Variants in KIF16B observed in about 807,000 individuals in gnomAD.
The protein encoded by KIF16B is kinesin family member 16B.
A neutral mutation model predicts 156.3 loss-of-function variants in KIF16B; 98 were observed. That is an observed-to-expected ratio of 0.63 (90% confidence interval 0.53 to 0.74). KIF16B has a LOEUF of 0.74. KIF16B is among the 30% of genes least tolerant of loss of function. The pLI is 0.00. For missense variants in KIF16B, 1,421 were observed against 1,606.5 expected (o/e 0.88, Z 1.97); for synonymous variants, 564 against 583.7 (o/e 0.97, Z 0.49).
intron 25 of KIF16B, among the ~76,000 whole-genome samples, chr20:16,300,428 T>G (rs988581851): frequency 1.3e-5 from 2 of 152,180 alleles, no homozygotes; most frequent in South Asian, 4.1e-4. Context: ...AAAAAATGAT[T>G]AATAGTGTCA....
intron 24 of KIF16B, among the ~76,000 whole-genome samples, chr20:16,333,013 G>A (rs2063974997): frequency 6.6e-6 from 1 of 152,136 alleles, no homozygotes; most frequent in Non-Finnish European, 1.5e-5. Context: ...AAACCACTTT[G>A]TTACCAGGCT....
intron 1 of KIF16B, among the ~76,000 whole-genome samples, chr20:16,538,083 C>T (rs2147213013): frequency 6.6e-6 from 1 of 152,218 alleles, no homozygotes; most frequent in Non-Finnish European, 1.5e-5. Context: ...AAACAACACC[C>T]CCTCATACAC....
chr20:16,323,273 C>A (rs752805387), intron 24 of KIF16B, among the ~76,000 whole-genome samples: 1 of 151,954 alleles, frequency 6.6e-6, no homozygotes, highest in Non-Finnish European at 1.5e-5. Flanking sequence ...TCTGCTATAA[C>A]CTGTCTTTTG....
At chr20:16,390,076 T>A (rs4814483) in intron 17 of KIF16B, among the ~76,000 whole-genome samples, 72,802 of 151,920 alleles carry the variant, frequency 0.48, 18,420 homozygotes, top group East Asian at 0.67. Context: ...ATGCAATTTA[T>A]TCTAGAAGGT....
At chr20:16,463,131 G>T (rs140122787) in intron 12 of KIF16B, among the ~76,000 whole-genome samples, 1 of 152,240 alleles carries the variant, frequency 6.6e-6, no homozygotes, top group East Asian at 1.9e-4. Flanking sequence ...ACCGCATCTC[G>T]CTGTGAACCT....
chr20:16,534,115 G>A (rs1159592636), intron 1 of KIF16B, among the ~76,000 whole-genome samples: 6 of 151,914 alleles, frequency 3.9e-5, no homozygotes, highest in Non-Finnish European at 8.8e-5. Flanking sequence ...AAAATTAGCC[G>A]AGCATGGTGG....
intron 12 of KIF16B, among the ~76,000 whole-genome samples, chr20:16,444,314 G>C (rs1250726038): frequency 2.6e-5 from 4 of 152,070 alleles, no homozygotes; most frequent in Non-Finnish European, 5.9e-5. Flanking sequence ...AAATAAGGCT[G>C]TCTGCCTGTT....
intron 12 of KIF16B, among the ~76,000 whole-genome samples, chr20:16,489,514 T>C (rs992675604): frequency 1.3e-5 from 2 of 152,112 alleles, no homozygotes; most frequent in Admixed American, 6.6e-5. Flanking sequence ...CTGGCCAATG[T>C]GGTAAAACCC....
At chr20:16,363,650 G>A (rs2064596647) in intron 22 of KIF16B, among the ~76,000 whole-genome samples, 1 of 152,120 alleles carries the variant, frequency 6.6e-6, no homozygotes, top group African/African-American at 2.4e-5. Flanking sequence ...TTGCAGGACT[G>A]CCCTTCTGTG....
chr20:16,504,559 G>A lies in KIF16B; in HGVS notation c.1001-12C>T. The A allele has an allele frequency of 6.2e-7, 1 of 1,607,850 alleles. No individual in the cohort carries two copies. The highest frequency in any genetic ancestry group is 8.5e-7 in the Non-Finnish European group (1 of 1,175,450). On this transcript the variant is annotated splice_polypyrimidine_tract_variant and intron_variant, in intron 9 of 25. Transcript: ENST00000354981. ...AGCAGGTGAAATGGCTGTGAAGAAT[G>A]TATTCAAAAAATAATTTATCCAGCA... is the stretch of plus-strand genomic sequence containing the variant.
intron 1 of KIF16B, among the ~76,000 whole-genome samples, chr20:16,571,661 G>A (rs905706076): frequency 2.7e-5 from 4 of 149,006 alleles, no homozygotes; most frequent in East Asian, 3.9e-4. Flanking sequence ...AGGGAGTCTC[G>A]CTCTGTCACT....
intron 12 of KIF16B, among the ~76,000 whole-genome samples, chr20:16,472,143 T>C (rs2067679101): frequency 6.6e-6 from 1 of 152,210 alleles, no homozygotes; most frequent in African/African-American, 2.4e-5. Flanking sequence ...TAAAGGTTTC[T>C]TGGACACAGC....
At chr20:16,367,720 T>C in intron 22 of KIF16B, 1 of 1,612,484 alleles carries the variant, frequency 6.2e-7, no homozygotes, top group Non-Finnish European at 8.5e-7. Flanking sequence ...GATTTCTGTT[T>C]TCCAATCAAG....
chr20:16,313,153 T>C (rs1472323593), intron 24 of KIF16B, among the ~76,000 whole-genome samples: 1 of 152,226 alleles, frequency 6.6e-6, no homozygotes, highest in Non-Finnish European at 1.5e-5. Context: ...TAGCCAGTGT[T>C]GCCTTGGCTG....
intron 20 of KIF16B, among the ~76,000 whole-genome samples, chr20:16,372,889 G>T (rs2064857128): frequency 6.6e-6 from 1 of 152,178 alleles, no homozygotes; most frequent in Non-Finnish European, 1.5e-5. Context: ...GTAGAGACAG[G>T]GTTTCACTAT....
intron 12 of KIF16B, among the ~76,000 whole-genome samples, chr20:16,432,645 GAGAGA>G (rs1436498320): frequency 5.9e-5 from 9 of 152,132 alleles, no homozygotes; most frequent in African/African-American, 9.7e-5. Context: ...GAGGTGGAGA[GAGAGA>G]AGTCCCTCAG....
intron 12 of KIF16B, among the ~76,000 whole-genome samples, chr20:16,464,393 TA>T (rs1425224043): frequency 7.2e-5 from 11 of 152,308 alleles, no homozygotes; most frequent in Non-Finnish European, 1.3e-4. Flanking sequence ...TCTGACAGTT[TA>T]AAAAACAGAC....
chr20:16,332,856 T>C (rs2063971503), intron 24 of KIF16B, among the ~76,000 whole-genome samples: 4 of 152,328 alleles, frequency 2.6e-5, no homozygotes, highest in Middle Eastern at 3.4e-3. Context: ...TAGGCTTATA[T>C]CCTTCATCTC....
intron 12 of KIF16B, among the ~76,000 whole-genome samples, chr20:16,482,664 T>G (rs1411358526): frequency 2.0e-5 from 3 of 152,118 alleles, no homozygotes; most frequent in African/African-American, 7.2e-5. Flanking sequence ...GTACAGATAT[T>G]CAGCTGCTTT....
Sources: allele counts gnomAD v4.1 joint callset (sites outside exome capture counted in the v4.1 genomes callset), GRCh38; gene constraint gnomAD v4.1.1; transcripts MANE v1.5; gene names NCBI Gene and HGNC (gene_info 2026-07-23, HGNC 2026-07-21).